Variants in ZFR observed in about 807,000 individuals in gnomAD.
The protein encoded by ZFR is zinc finger RNA binding protein.
Under a neutral mutation model 130.7 loss-of-function variants are expected in ZFR, and 19 were observed. That is an observed-to-expected ratio of 0.15 (90% CI 0.10 to 0.21). ZFR has a LOEUF of 0.21. Ranked by LOEUF, ZFR falls within the 10% of genes least tolerant of loss-of-function variation. The probability of loss-of-function intolerance (pLI) is 1.00; values close to 1 mark genes in which losing one functional copy is unlikely to be tolerated. For synonymous variants in ZFR, 466 were observed against 456.9 expected (o/e 1.02, Z -0.25); for missense variants, 872 against 1,321.5 (o/e 0.66, Z 5.27).
chr5:32,382,233 C>T (rs1296270978), intron 15 of ZFR, among the ~76,000 whole-genome samples: 1 of 152,114 alleles, frequency 6.6e-6, no homozygotes, highest in Non-Finnish European at 1.5e-5. Flanking sequence ...ATTGCTTGAA[C>T]CTGGGAGGTG....
At chr5:32,443,779 A>C (rs1754527388) in intron 2 of ZFR, among the ~76,000 whole-genome samples, 1 of 152,240 alleles carries the variant, frequency 6.6e-6, no homozygotes, top group South Asian at 2.1e-4. Flanking sequence ...ACGAGAAGCC[A>C]GTGGACCTGC....
At chr5:32,374,960 T>G (rs1326866771) in intron 17 of ZFR, among the ~76,000 whole-genome samples, 1 of 152,174 alleles carries the variant, frequency 6.6e-6, no homozygotes, top group Non-Finnish European at 1.5e-5. Context: ...AAAGAAAAGC[T>G]TCCAAATTAT....
rs1561858079 is a variant in ZFR at position 32,363,939 on chromosome 5, TA to T, written c.3045+8del. On this transcript the variant is annotated splice_region_variant and intron_variant, in intron 19 of 19. Transcript: ENST00000265069. ...CCCAATAGGGCTCTGAATTTAGGAATACCAGTACCTGTGCACTGGATGTGAT... is the reference window on the plus strand; with the variant it reads ...CCCAATAGGGCTCTGAATTTAGGAATCCAGTACCTGTGCACTGGATGTGAT... 4.3e-6 allele frequency: 7 copies of T among 1,609,702 alleles called. No individual in the cohort carries two copies. The highest frequency in any genetic ancestry group is 2.2e-5 in the East Asian group (1 of 44,852).
chr5:32,400,001 A>G lies in ZFR; in HGVS notation c.1713+6T>C, dbSNP rs143766228. On this transcript the variant is annotated splice_donor_region_variant and intron_variant, in intron 9 of 19. Transcript: ENST00000265069. ...TTCACAGCAATGGTATTCTCAAATC[A>G]ATTACCTCTTCCACATAATCATGGC... is the stretch of plus-strand genomic sequence containing the variant. 3.6e-3 allele frequency: 5,695 copies of G among 1,594,980 alleles called. 18 individuals are homozygous for G. Among genetic ancestry groups the G allele is most frequent in the Middle Eastern group, 3.8e-3 (23 of 5,976 alleles).
At chr5:32,423,913 T>A (rs919946788) in intron 2 of ZFR, among the ~76,000 whole-genome samples, 3 of 152,208 alleles carry the variant, frequency 2.0e-5, no homozygotes, top group Non-Finnish European at 4.4e-5. Flanking sequence ...AATGTAGAAT[T>A]TTGTACCCAG....
intron 17 of ZFR, among the ~76,000 whole-genome samples, chr5:32,373,855 C>T (rs143426577): frequency 3.9e-4 from 59 of 152,210 alleles, no homozygotes; most frequent in African/African-American, 1.4e-3. Context: ...TCACTTTTGA[C>T]TTTCTTCACA....
intron 6 of ZFR, among the ~76,000 whole-genome samples, 178 bp from the exon 7 acceptor site, chr5:32,404,275 CTTGT>C (rs1179063573): frequency 6.6e-6 from 1 of 152,108 alleles, no homozygotes; most frequent in Non-Finnish European, 1.5e-5. Flanking sequence ...TTCTCTGTAT[CTTGT>C]TTATCAAGAA....
In ZFR at chr5:32,355,206, C is replaced by T. The variant is rs1435217727; in HGVS notation, c.*554G>A. ...GCAGAAACATTCAGTTCTGAGCACT[C>T]GAATGGCAGGATAACTTTTTGTGTT... On this transcript the variant is annotated 3_prime_UTR_variant, in exon 20 of 20. Coordinates refer to ENST00000265069, the MANE Select transcript of ZFR (RefSeq NM_016107.5). The T allele has an allele frequency of 6.6e-6, 1 of 152,168 alleles. No homozygotes were observed. Among genetic ancestry groups the T allele is most frequent in the Non-Finnish European group, 1.5e-5 (1 of 68,044 alleles). The allele number at this position is 152,168 out of a possible 1,614,324, so 9.4% of individuals were successfully genotyped here.
intron 10 of ZFR, among the ~76,000 whole-genome samples, chr5:32,396,626 T>A (rs766804930): frequency 3.3e-5 from 5 of 152,104 alleles, no homozygotes; most frequent in Non-Finnish European, 5.9e-5. Flanking sequence ...TAATCCCAGC[T>A]ACTCGGGAGG....
At chr5:32,425,425 TTTAA>T (rs1754050547) in intron 2 of ZFR, among the ~76,000 whole-genome samples, 1 of 1,126 alleles carries the variant, frequency 8.9e-4, no homozygotes, top group Non-Finnish European at 1.8e-3. Flanking sequence ...ATATTCTTAA[TTTAA>T]GACATTAAAA....
At position 32,435,442 on chromosome 5, in the gene ZFR, T is replaced by C. The variant is rs576602673; in HGVS notation, c.137+8787A>G. Among the ~76,000 whole-genome samples, 11 of 152,318 alleles carry C rather than the reference T, an allele frequency of 7.2e-5. No homozygotes were observed. In the Middle Eastern group the frequency reaches 0.01, roughly 141 times the overall value. On this transcript the variant is annotated intron_variant, in intron 2 of 19. Coordinates refer to ENST00000265069, the MANE Select transcript of ZFR (RefSeq NM_016107.5). Reference sequence around the variant, plus strand: ...CATTACAGACTTCTAAATATAAAACTAGGATAACCAGATATTCTGATAGTA... The same window carrying C: ...CATTACAGACTTCTAAATATAAAACCAGGATAACCAGATATTCTGATAGTA...
At chr5:32,360,220 CTT>C in intron 19 of ZFR, among the ~76,000 whole-genome samples, 1 of 152,176 alleles carries the variant, frequency 6.6e-6, no homozygotes, top group Non-Finnish European at 1.5e-5. Context: ...TAACTGGACT[CTT>C]TTTCTGGTAA....
At chr5:32,400,860 G>A (rs1753434097) in intron 8 of ZFR, among the ~76,000 whole-genome samples, 1 of 151,810 alleles carries the variant, frequency 6.6e-6, no homozygotes, top group African/African-American at 2.4e-5. Context: ...AAAAGTTGGG[G>A]GTAACATCTA....
At chr5:32,437,703 T>C (rs1754371285) in intron 2 of ZFR, among the ~76,000 whole-genome samples, 1 of 148,834 alleles carries the variant, frequency 6.7e-6, no homozygotes, top group East Asian at 1.9e-4. Flanking sequence ...TGTAGCTGAT[T>C]TTTTTTTTAA....
intron 19 of ZFR, among the ~76,000 whole-genome samples, chr5:32,359,863 T>C (rs1752392505): frequency 6.6e-6 from 1 of 150,460 alleles, no homozygotes; most frequent in Admixed American, 6.7e-5. Context: ...GGCAGGAAAA[T>C]CGCTTGAACT....
At chr5:32,399,273 TCAAA>T (rs1270559648) in intron 9 of ZFR, among the ~76,000 whole-genome samples, 4 of 92,180 alleles carry the variant, frequency 4.3e-5, no homozygotes, top group Non-Finnish European at 7.1e-5. Flanking sequence ...AGACTCTGTC[TCAAA>T]CAAAAACAAA....
intron 2 of ZFR, among the ~76,000 whole-genome samples, chr5:32,426,225 C>T (rs1294139270): frequency 1.3e-5 from 2 of 151,964 alleles, no homozygotes; most frequent in Admixed American, 1.3e-4. Context: ...TGCTCTTAAC[C>T]ATCACATCTA....
chr5:32,373,699 T>TA (rs987389344), intron 17 of ZFR, among the ~76,000 whole-genome samples: 2 of 152,204 alleles, frequency 1.3e-5, no homozygotes, highest in African/African-American at 4.8e-5. Flanking sequence ...ATAAAACAGA[T>TA]AAACCACTGC....
At chr5:32,442,024 A>AT (rs1754486314) in intron 2 of ZFR, among the ~76,000 whole-genome samples, 1 of 152,176 alleles carries the variant, frequency 6.6e-6, no homozygotes, top group African/African-American at 2.4e-5. Flanking sequence ...TCACATAAAT[A>AT]TTTTATCAAA....
Sources: allele counts gnomAD v4.1 joint callset (sites outside exome capture counted in the v4.1 genomes callset), GRCh38; gene constraint gnomAD v4.1.1; transcripts MANE v1.5; gene names NCBI Gene and HGNC (gene_info 2026-07-23, HGNC 2026-07-21).